Variants in ATRX observed in about 807,000 individuals in gnomAD.
ATRX encodes the protein chromatin remodeler ATRX.
A neutral mutation model predicts 172.6 loss-of-function variants in ATRX; 12 were observed. The ratio of observed to expected loss-of-function variants is 0.07; its 90% confidence interval spans 0.04 to 0.11. The LOEUF (loss-of-function observed/expected upper bound fraction) is 0.11, where lower values mean the gene tolerates loss of function less well. Among genes scored for constraint, ATRX ranks in the 10% least tolerant of loss-of-function variants. ATRX has a pLI of 1.00. For missense variants in ATRX, 1,368 were observed against 1,767.4 expected, an observed-to-expected ratio of 0.77 and a Z score of 4.05; for synonymous variants, 674 against 594.7, an observed-to-expected ratio of 1.13 and a Z score of -1.94.
chrX:77,766,986 G>A (rs1172163808), intron 1 of ATRX, among the ~76,000 whole-genome samples: 3 of 112,616 alleles, frequency 2.7e-5, no homozygotes, highest in African/African-American at 9.6e-5. Flanking sequence ...GGGAGGCCGA[G>A]GCTGGCGGAT....
intron 1 of ATRX, among the ~76,000 whole-genome samples, chrX:77,764,885 T>A (rs782382539): frequency 8.9e-6 from 1 of 112,038 alleles, no homozygotes; most frequent in African/African-American, 3.2e-5. Context: ...ACTTTTCCAA[T>A]CAAAAACAAC....
At chrX:77,662,782 G>A (rs1442684627) in intron 12 of ATRX, among the ~76,000 whole-genome samples, 1 of 111,078 alleles carries the variant, frequency 9.0e-6, no homozygotes, top group Non-Finnish European at 1.9e-5. Context: ...TGCAACCTCC[G>A]CCTCCTGGGT....
rs781810958 is a variant in ATRX, at chrX:77,663,478, G to A, written c.4024C>T (p.Arg1342Trp). 16 of 1,209,820 alleles carry A rather than the reference G, an allele frequency of 1.3e-5. No individual in the cohort carries two copies. Among genetic ancestry groups the A allele is most frequent in the South Asian group, 1.1e-4 (6 of 56,917 alleles). ...KKPRYRHRLL[R>W]HKLTVSDGES... ...CCGTCACTCACAGTCAATTTGTGCC[G>A]CAAAAGCCTATGTCTGTATCTTGGC... The change falls in exon 12 of 35, where the codon CGG becomes TGG. Residue 1342 changes from arginine to tryptophan, a missense_variant. Transcript: ENST00000373344.
chrX:77,664,254 C>A (rs1348630090), intron 11 of ATRX, among the ~76,000 whole-genome samples: 1 of 108,870 alleles, frequency 9.2e-6, no homozygotes. Flanking sequence ...GATTTTTTTT[C>A]TTCTTCTTCT....
chrX:77,769,647 T>C (rs2148939483), intron 1 of ATRX, among the ~76,000 whole-genome samples: 1 of 111,807 alleles, frequency 8.9e-6, no homozygotes, highest in South Asian at 3.7e-4. Context: ...TAGGCTTTAA[T>C]ACAATTTCCA....
At chrX:77,609,974 T>C (rs1294200569) in intron 22 of ATRX, among the ~76,000 whole-genome samples, 2 of 111,859 alleles carry the variant, frequency 1.8e-5, no homozygotes, top group African/African-American at 6.5e-5. Flanking sequence ...CTGTACACTT[T>C]AAAATAAATA....
intron 34 of ATRX, among the ~76,000 whole-genome samples, chrX:77,512,262 G>A (rs1266231212): frequency 8.9e-6 from 1 of 112,119 alleles, no homozygotes; most frequent in East Asian, 2.8e-4. Flanking sequence ...TGCTTCAAAT[G>A]TGAAGGAGAA....
At chrX:77,639,236 G>C (rs1359096732) in intron 15 of ATRX, among the ~76,000 whole-genome samples, 1 of 111,807 alleles carries the variant, frequency 8.9e-6, no homozygotes, top group Non-Finnish European at 1.9e-5. Context: ...AATCAAAAGG[G>C]AGATATTCTA....
intron 30 of ATRX, among the ~76,000 whole-genome samples, chrX:77,534,879 T>C (rs1557047836): frequency 9.0e-6 from 1 of 111,289 alleles, no homozygotes; most frequent in African/African-American, 3.3e-5. Context: ...TCTAAAAAAA[T>C]AATCAAGGCT....
chrX:77,549,153 G>A (rs1196314457), intron 30 of ATRX, among the ~76,000 whole-genome samples: 1 of 111,648 alleles, frequency 9.0e-6, no homozygotes, highest in Non-Finnish European at 1.9e-5. Context: ...AGGAGACCGA[G>A]GTGGGTCGAT....
intron 22 of ATRX, 67 bp from the exon 23 acceptor site, chrX:77,600,631 G>C (rs1331657868): frequency 3.8e-5 from 42 of 1,107,660 alleles, no homozygotes; most frequent in Non-Finnish European, 5.2e-5. Flanking sequence ...TAGATTAGGA[G>C]TTTTAATCTT....
At chrX:77,595,619 A>G (rs982221184) in intron 25 of ATRX, 8 of 110,966 alleles carry the variant, frequency 7.2e-5, no homozygotes, top group Non-Finnish European at 1.5e-4. Flanking sequence ...CAACTTATAG[A>G]GGGCTCGAAG....
chrX:77,661,629 C>G (rs1216356910), intron 12 of ATRX, among the ~76,000 whole-genome samples: 2 of 111,082 alleles, frequency 1.8e-5, no homozygotes, highest in African/African-American at 6.5e-5. Flanking sequence ...TACCCCTAGT[C>G]ATCAAAAAGC....
At chrX:77,602,089 G>A (rs184530580) in intron 22 of ATRX, among the ~76,000 whole-genome samples, 8 of 111,492 alleles carry the variant, frequency 7.2e-5, no homozygotes, top group East Asian at 5.6e-4. Flanking sequence ...CTGCAACCTC[G>A]AACTCCTGCG....
chrX:77,705,086 G>A (rs782271431), intron 2 of ATRX, among the ~76,000 whole-genome samples: 2 of 111,470 alleles, frequency 1.8e-5, no homozygotes, highest in African/African-American at 3.3e-5. Flanking sequence ...GGCTGCACCC[G>A]GGGCTCCTGC....
chrX:77,600,408 C>A (rs200879233), intron 23 of ATRX, 26 bp downstream of exon 23: 13 of 1,205,609 alleles, frequency 1.1e-5, no homozygotes, highest in Non-Finnish European at 1.3e-5. Context: ...CCAATAGATG[C>A]TTTTAAACTA....
At chrX:77,721,795 T>C (rs1409287319) in intron 1 of ATRX, among the ~76,000 whole-genome samples, 2 of 111,643 alleles carry the variant, frequency 1.8e-5, no homozygotes, top group African/African-American at 3.3e-5. Flanking sequence ...TACCACTGAC[T>C]TTCTTCACAG....
At chrX:77,510,255 A>C (rs908603583) in intron 34 of ATRX, among the ~76,000 whole-genome samples, 6 of 111,298 alleles carry the variant, frequency 5.4e-5, no homozygotes, top group Non-Finnish European at 9.4e-5. Flanking sequence ...CTGTTGTCTG[A>C]AGAGCCCTTG....
chrX:77,534,997 TAAC>T (rs1202193712), intron 30 of ATRX, among the ~76,000 whole-genome samples: 1 of 112,016 alleles, frequency 8.9e-6, no homozygotes, highest in Non-Finnish European at 1.9e-5. Flanking sequence ...CCAGAATACT[TAAC>T]TGCCACATGA....
Sources: gnomAD v4.1 joint callset for allele counts (sites outside exome capture counted in the v4.1 genomes callset) on GRCh38, gnomAD v4.1.1 for gene constraint, MANE v1.5 for transcripts, NCBI Gene and HGNC (gene_info 2026-07-23, HGNC 2026-07-21) for gene names.